Variants in C4orf51 observed in about 807,000 individuals in gnomAD.
C4orf51 encodes the protein chromosome 4 open reading frame 51, also known as uncharacterized protein C4orf51.
A neutral mutation model predicts 25.2 loss-of-function variants in C4orf51; 25 were observed. That is an observed-to-expected ratio of 0.99 (90% confidence interval 0.72 to 1.39). The LOEUF is 1.39. Among genes scored for constraint, C4orf51 ranks in the 40% most tolerant of loss-of-function variants. The probability of loss-of-function intolerance (pLI) is 0.00; values close to 1 mark genes in which losing one functional copy is unlikely to be tolerated. For missense variants in C4orf51, 252 were observed against 239.6 expected, an observed-to-expected ratio of 1.05 and a Z score of -0.34; for synonymous variants, 100 against 84.5, an observed-to-expected ratio of 1.18 and a Z score of -1.01.
intron 1 of C4orf51, among the ~76,000 whole-genome samples, chr4:145,692,888 G>A (rs1729679583): frequency 6.9e-6 from 1 of 145,522 alleles, no homozygotes; most frequent in African/African-American, 2.5e-5. Flanking sequence ...GGATACAGAT[G>A]TGTTTCAAAG....
At chr4:145,719,077 C>A (rs1731574684) in intron 2 of C4orf51, among the ~76,000 whole-genome samples, 1 of 152,162 alleles carries the variant, frequency 6.6e-6, no homozygotes, top group South Asian at 2.1e-4. Context: ...AGAACATAAG[C>A]TTTATGAGGG....
chr4:145,690,153 G>A (rs574336892), intron 1 of C4orf51, among the ~76,000 whole-genome samples: 55 of 149,826 alleles, frequency 3.7e-4, no homozygotes, highest in African/African-American at 1.4e-3. Flanking sequence ...GTTGCAGTGA[G>A]CTGAGATTGC....
chr4:145,776,093 C>G, the C4orf51 span: 2 of 995,026 alleles, frequency 2.0e-6, no homozygotes, highest in East Asian at 5.0e-5. Flanking sequence ...AATGGTAATG[C>G]CTAGGAATTG....
At chr4:145,780,463 C>T in the C4orf51 span, among the ~76,000 whole-genome samples, 2 of 152,176 alleles carry the variant, frequency 1.3e-5, no homozygotes, top group Admixed American at 6.5e-5. Flanking sequence ...TTTGGGAAAA[C>T]AGTGCCACAA....
chr4:145,729,297 A>ACTTTTT, intron 4 of C4orf51, 68 bp downstream of exon 4: 1 of 291,814 alleles, frequency 3.4e-6, no homozygotes, highest in Non-Finnish European at 5.5e-6. Flanking sequence ...TGGTCATGTG[A>ACTTTTT]TTTTTTTTTT....
At position 145,729,958 on chromosome 4, in the gene C4orf51, T is replaced by A; in HGVS notation, c.494T>A (p.Leu165Gln). The change falls in exon 5 of 6, where the codon CTA becomes CAA. Residue 165 changes from leucine to glutamine, a missense_variant. Leu to Gln is a moderately radical substitution (Grantham distance 113). Coordinates refer to ENST00000438731, the MANE Select transcript of C4orf51 (RefSeq NM_001080531.3). ...INYSRRGKGV[L>Q]KHLHGRCDSE... ...TACAGTCGACGAGGGAAAGGTGTCCTAAAGCATGTAAGAATCTTTTTACTT... is the reference window on the plus strand; with the variant it reads ...TACAGTCGACGAGGGAAAGGTGTCCAAAAGCATGTAAGAATCTTTTTACTT... 6.2e-7 allele frequency: 1 copy of A among 1,613,788 alleles called. No homozygotes were observed. The highest frequency in any genetic ancestry group is 8.5e-7 in the Non-Finnish European group (1 of 1,179,698).
At chr4:145,689,358 AT>A (rs542687069) in intron 1 of C4orf51, among the ~76,000 whole-genome samples, 143 of 152,250 alleles carry the variant, frequency 9.4e-4, no homozygotes, top group African/African-American at 3.2e-3. Flanking sequence ...AGAAGAATAT[AT>A]TTTCAACTTA....
intron 1 of C4orf51, among the ~76,000 whole-genome samples, chr4:145,695,946 G>A (rs757197110): frequency 7.2e-5 from 11 of 152,146 alleles, no homozygotes; most frequent in Non-Finnish European, 1.0e-4. Context: ...TCATTTATAC[G>A]TGAGAGTTAA....
rs79677367 is a variant in C4orf51 at position 145,711,338 on chromosome 4, C to A, written c.307+14706C>A. The stretch of plus-strand genomic sequence containing the variant: ...TACCCTGCTACCTGCAAGCTGACCA[C>A]TTTCCATTGCTGGGGCTCTAACAGC... On this transcript the variant is annotated intron_variant, in intron 2 of 5. Transcript: ENST00000438731. 3.1e-3 allele frequency among the ~76,000 whole-genome samples: 473 copies of A among 152,348 alleles called. 3 individuals carry two copies. The highest frequency in any genetic ancestry group is 0.011 in the African/African-American group (454 of 41,574).
At chr4:145,705,451 ACCT>A (rs968686231) in intron 2 of C4orf51, among the ~76,000 whole-genome samples, 41 of 152,268 alleles carry the variant, frequency 2.7e-4, no homozygotes, top group African/African-American at 9.4e-4. Flanking sequence ...CTGACTAGCT[ACCT>A]ACTGTAACAT....
rs982673817 is a variant in C4orf51, at chr4:145,763,820, T to A, written n.167-7168T>A. On this transcript the variant is annotated intron_variant and non_coding_transcript_variant, in intron 1 of 1. Coordinates refer to the C4orf51 transcript ENST00000510096. This position sits in a 1 kb window ranked among gnomAD's most constrained non-coding sequence, Gnocchi z 4.6. Reference sequence around the variant, plus strand: ...TTTCCCATCTACTGGTTTCCTTGAATTATAATCACCCCCTCCCCAATCCCT... The same window carrying A: ...TTTCCCATCTACTGGTTTCCTTGAAATATAATCACCCCCTCCCCAATCCCT... Among the ~76,000 whole-genome samples the A allele has an allele frequency of 6.6e-5, 10 of 152,212 alleles. No homozygotes were observed. Among genetic ancestry groups the A allele is most frequent in the Non-Finnish European group, 1.5e-4 (10 of 68,036 alleles).
intron 1 of C4orf51, among the ~76,000 whole-genome samples, chr4:145,683,222 A>C (rs2126649963): frequency 6.6e-6 from 1 of 152,298 alleles, no homozygotes; most frequent in East Asian, 1.9e-4. Context: ...ATATAAGGAA[A>C]ACTAAAAAAT....
At chr4:145,769,137 A>G (rs1735860935) in intron 1 of C4orf51, among the ~76,000 whole-genome samples, 1 of 151,878 alleles carries the variant, frequency 6.6e-6, no homozygotes, top group Admixed American at 6.6e-5. Flanking sequence ...CAGGGCAGAC[A>G]ACTCTTACTT....
downstream of C4orf51, among the ~76,000 whole-genome samples, chr4:145,732,962 C>A (rs1732569292): frequency 1.3e-5 from 2 of 152,174 alleles, no homozygotes; most frequent in South Asian, 4.1e-4. Context: ...CCCAGCAGAG[C>A]CGGAGCCTTC....
chr4:145,765,444 C>A lies in C4orf51; in HGVS notation n.167-5544C>A. On this transcript the variant is annotated intron_variant and non_coding_transcript_variant, in intron 1 of 1. Transcript: ENST00000510096. The surrounding 1 kb of genome is among the most constrained non-coding windows in gnomAD (Gnocchi z 4.7). ...AGGCCCAGCATACTGCATCCTGGGC[C>A]TATTATCAGTTTTTGACATCGCTCC... 1 of 1,366,890 alleles carries A rather than the reference C, an allele frequency of 7.3e-7. No individual in the cohort carries two copies. The highest frequency in any genetic ancestry group is 9.9e-7 in the Non-Finnish European group (1 of 1,010,112). 84.7% of individuals were successfully genotyped at this position (1,366,890 alleles called of 1,614,324 possible). A position where few individuals can be genotyped will look rare whatever the true frequency, so the allele number is the denominator to read the frequency against.
At chr4:145,782,601 G>A in the C4orf51 span, among the ~76,000 whole-genome samples, 1 of 152,150 alleles carries the variant, frequency 6.6e-6, no homozygotes, top group Admixed American at 6.5e-5. Flanking sequence ...CTCCAAAACA[G>A]GTTCTCTGCT....
At chr4:145,714,313 A>G (rs1323885456) in intron 2 of C4orf51, among the ~76,000 whole-genome samples, 2 of 152,234 alleles carry the variant, frequency 1.3e-5, no homozygotes, top group African/African-American at 4.8e-5. Flanking sequence ...AATGAAGCAA[A>G]TTAAATATCC....
chr4:145,750,482 G>A (rs994037224), intron 1 of C4orf51, among the ~76,000 whole-genome samples: 2 of 140,342 alleles, frequency 1.4e-5, no homozygotes, highest in African/African-American at 5.3e-5. Flanking sequence ...GGGCTGTAAG[G>A]TTTCCACTGA....
chr4:145,734,513 C>T (rs1426816320), downstream of C4orf51, among the ~76,000 whole-genome samples: 1 of 152,108 alleles, frequency 6.6e-6, no homozygotes, highest in Non-Finnish European at 1.5e-5. Flanking sequence ...CCTGAATCTC[C>T]CCAGTCCCTC....
Sources: allele counts gnomAD v4.1 joint callset (sites outside exome capture counted in the v4.1 genomes callset), GRCh38; gene constraint gnomAD v4.1.1; non-coding constraint Gnocchi (gnomAD v3.1); transcripts MANE v1.5; gene names NCBI Gene and HGNC (gene_info 2026-07-23, HGNC 2026-07-21).